PCDHGB5: variants seen among roughly 807,000 people sequenced by gnomAD.
PCDHGB5 encodes the protein protocadherin gamma subfamily B, 5.
PCDHGB5 carries 48 observed loss-of-function variants against 62.9 expected under a neutral mutation model. The observed-to-expected ratio is 0.76, with a 90% CI of 0.61 to 0.97. The LOEUF (loss-of-function observed/expected upper bound fraction) is 0.97, where lower values mean the gene tolerates loss of function less well. Ranked by LOEUF, PCDHGB5 falls within the 50% of genes least tolerant of loss-of-function variation. PCDHGB5 has a pLI of 0.00. For synonymous variants in PCDHGB5, 474 were observed against 511.2 expected (o/e 0.93, Z 0.98); for missense variants, 1,118 against 1,198.6 (o/e 0.93, Z 0.99).
chr5:141,424,408 T>G (rs942542788), intron 1 of PCDHGB5: 1 of 152,224 alleles, frequency 6.6e-6, no homozygotes, highest in Non-Finnish European at 1.5e-5. Flanking sequence ...TATGGTGAAG[T>G]TACATTGACT....
At position 141,478,876 on chromosome 5, in the gene PCDHGB5, C is replaced by A. The variant is rs2099482470; in HGVS notation, c.2398-15931C>A. 30 of 1,265,748 alleles carry A rather than the reference C, an allele frequency of 2.4e-5. No individual in the cohort carries two copies. The South Asian group carries it at 4.7e-4, about 20-fold the overall frequency. 78.4% of individuals were successfully genotyped at this position (1,265,748 alleles called of 1,614,324 possible). On this transcript the variant is annotated intron_variant, in intron 1 of 3. Transcript: ENST00000617380. ...CAAGATCTCAGCGATCAGAGTTTAGCTTGGTATCATTTACATTAGGAATAA... is the reference window on the plus strand; with the variant it reads ...CAAGATCTCAGCGATCAGAGTTTAGATTGGTATCATTTACATTAGGAATAA...
intron 1 of PCDHGB5, chr5:141,409,578 T>A: frequency 6.2e-7 from 1 of 1,613,942 alleles, no homozygotes. Context: ...TCCTACGTGG[T>A]CCACGTGGCC....
At position 141,486,002 on chromosome 5, in the gene PCDHGB5, G is replaced by A. The variant is rs372373315; in HGVS notation, c.2398-8805G>A. ...CCCGGACCTGGGTCCCAGTGGTAAC[G>A]TCACCTTTTATTTCAGTGGTCATAC... On this transcript the variant is annotated intron_variant, in intron 1 of 3. Coordinates refer to ENST00000617380, the MANE Select transcript of PCDHGB5 (RefSeq NM_018925.3). The surrounding 1 kb of genome is among the most constrained non-coding windows in gnomAD (Gnocchi z 5.0). 2.0e-5 allele frequency: 33 copies of A among 1,614,030 alleles called. No homozygotes were observed. The highest frequency in any genetic ancestry group is 2.8e-5 in the Non-Finnish European group (33 of 1,180,014).
In PCDHGB5 at chr5:141,454,796, A is replaced by ATTTT. The variant is rs61612330; in HGVS notation, c.2398-39985_2398-39982dup. Among the ~76,000 whole-genome samples, 123 of 77,452 alleles carry ATTTT rather than the reference A, an allele frequency of 1.6e-3. 16 individuals are homozygous for ATTTT. The highest frequency in any genetic ancestry group is 7.2e-3 in the South Asian group (14 of 1,958). 50.8% of individuals were successfully genotyped at this position (77,452 alleles called of 152,430 possible). On this transcript the variant is annotated intron_variant, in intron 1 of 3. Coordinates refer to ENST00000617380, the MANE Select transcript of PCDHGB5 (RefSeq NM_018925.3). ...AAGGAAATAATCCTCCATGGTTCTAATTTTTTTTTTTTTTTTTTTTTTTTT... is the reference window on the plus strand; with the variant it reads ...AAGGAAATAATCCTCCATGGTTCTAATTTTTTTTTTTTTTTTTTTTTTTTTTTTT...
rs201073884 is a variant in PCDHGB5 at position 141,486,264 on chromosome 5, A to C, written c.2398-8543A>C. On this transcript the variant is annotated intron_variant, in intron 1 of 3. Coordinates refer to ENST00000617380, the MANE Select transcript of PCDHGB5 (RefSeq NM_018925.3). This position sits in a 1 kb window ranked among gnomAD's most constrained non-coding sequence, Gnocchi z 5.0. The stretch of plus-strand genomic sequence containing the variant: ...CTTGGAACCCTCCCCGAGAGTGCAG[A>C]ACCTGGCACTGTGGTGGCACTTATC... 8 of 1,614,032 alleles carry C rather than the reference A, an allele frequency of 5.0e-6. No individual in the cohort carries two copies. The East Asian group carries it at 1.6e-4, about 31-fold the overall frequency.
intron 1 of PCDHGB5, chr5:141,404,627 G>A: frequency 6.2e-7 from 1 of 1,614,144 alleles, no homozygotes; most frequent in Non-Finnish European, 8.5e-7. Context: ...GAATGACAAT[G>A]CCCCAGAAAT....
intron 1 of PCDHGB5, among the ~76,000 whole-genome samples, chr5:141,470,068 G>A (rs1269966360): frequency 6.6e-6 from 1 of 152,240 alleles, no homozygotes; most frequent in East Asian, 1.9e-4. Flanking sequence ...GGCAGAGACT[G>A]TAGTGATCTG....
intron 1 of PCDHGB5, 34 bp downstream of exon 1, chr5:141,400,558 C>T: frequency 1.2e-6 from 2 of 1,613,290 alleles, no homozygotes; most frequent in Non-Finnish European, 1.7e-6. Flanking sequence ...TTTTTCATTA[C>T]CCACCCAATT....
intron 1 of PCDHGB5, among the ~76,000 whole-genome samples, chr5:141,470,854 A>G (rs553276517): frequency 6.6e-6 from 1 of 152,028 alleles, no homozygotes; most frequent in Admixed American, 6.6e-5. Context: ...TGCTCAGATA[A>G]GTTTTTTGTT....
intron 1 of PCDHGB5, chr5:141,408,971 C>A: frequency 6.2e-7 from 1 of 1,613,816 alleles, no homozygotes; most frequent in Non-Finnish European, 8.5e-7. Context: ...AAATCTGCCC[C>A]CTGGGTCCCC....
In PCDHGB5 at chr5:141,489,948, T is replaced by C; in HGVS notation, c.2398-4859T>C. 2 of 1,614,210 alleles carry C rather than the reference T, an allele frequency of 1.2e-6. No individual in the cohort carries two copies. Among genetic ancestry groups the C allele is most frequent in the Non-Finnish European group, 1.7e-6 (2 of 1,180,030 alleles). On this transcript the variant is annotated intron_variant, in intron 1 of 3. Coordinates refer to ENST00000617380, the MANE Select transcript of PCDHGB5 (RefSeq NM_018925.3). The surrounding 1 kb of genome is among the most constrained non-coding windows in gnomAD (Gnocchi z 4.5). ...TCTCTGTCATCGTGCTGGACATCAA[T>C]GATAATGCTCCAACCTTCCAATCCT...
chr5:141,447,854 G>A (rs1480134238), intron 1 of PCDHGB5, among the ~76,000 whole-genome samples: 1 of 152,200 alleles, frequency 6.6e-6, no homozygotes, highest in Non-Finnish European at 1.5e-5. Flanking sequence ...GGGAGGCCGA[G>A]GTGGGTGAAT....
chr5:141,450,829 A>ATTT (rs373424450), intron 1 of PCDHGB5, among the ~76,000 whole-genome samples: 12,063 of 134,876 alleles, frequency 0.089, 619 homozygotes, highest in African/African-American at 0.14. Flanking sequence ...TATTATTATT[A>ATTT]TTTTTTTTTT....
intron 1 of PCDHGB5, among the ~76,000 whole-genome samples, chr5:141,488,493 C>T (rs1594759823): frequency 6.6e-6 from 1 of 152,226 alleles, no homozygotes; most frequent in East Asian, 1.9e-4. Context: ...AAAACTGTAA[C>T]ACTCATTCCA....
At chr5:141,444,299 G>A (rs1017908182) in intron 1 of PCDHGB5, among the ~76,000 whole-genome samples, 20 of 150,672 alleles carry the variant, frequency 1.3e-4, no homozygotes, top group Non-Finnish European at 2.7e-4. Context: ...AGCCTCCCTA[G>A]TAGCTAGGAT....
At chr5:141,411,045 T>G (rs1409162601) in intron 1 of PCDHGB5, 1 of 159,716 alleles carries the variant, frequency 6.3e-6, no homozygotes, top group Non-Finnish European at 1.4e-5. Flanking sequence ...AGACATGGGG[T>G]TTCACTATGT....
rs144613597 is a variant in PCDHGB5, at chr5:141,483,029, G to A, written c.2398-11778G>A. 3.9e-3 allele frequency among the ~76,000 whole-genome samples: 588 copies of A among 152,220 alleles called. 6 individuals are homozygous for A. Among genetic ancestry groups the A allele is most frequent in the Admixed American group, 0.011 (169 of 15,280 alleles). ...GAACCCGGGAGGCAGAGGTTGCAAT[G>A]AGCTGGTGTCAGGCCACTGCACTCC... On this transcript the variant is annotated intron_variant, in intron 1 of 3. Transcript: ENST00000617380.
chr5:141,469,868 C>T (rs749624047), intron 1 of PCDHGB5, among the ~76,000 whole-genome samples: 6 of 152,228 alleles, frequency 3.9e-5, no homozygotes, highest in Non-Finnish European at 7.3e-5. Flanking sequence ...CAATGGCTCA[C>T]GCCTGTAATC....
At chr5:141,437,187 G>A (rs1055878763) in intron 1 of PCDHGB5, among the ~76,000 whole-genome samples, 1 of 152,148 alleles carries the variant, frequency 6.6e-6, no homozygotes, top group Non-Finnish European at 1.5e-5. Context: ...ACTGGGCAAT[G>A]GGTTTGGATG....
Sources: gnomAD v4.1 joint callset for allele counts (sites outside exome capture counted in the v4.1 genomes callset) on GRCh38, gnomAD v4.1.1 for gene constraint, Gnocchi (gnomAD v3.1) non-coding constraint, MANE v1.5 for transcripts, NCBI Gene and HGNC (gene_info 2026-07-23, HGNC 2026-07-21) for gene names.